CSMD1: variants seen among roughly 807,000 people sequenced by gnomAD.
CSMD1 encodes CUB and Sushi multiple domains 1.
A neutral mutation model predicts 417.5 loss-of-function variants in CSMD1; 213 were observed. The ratio of observed to expected loss-of-function variants is 0.51; its 90% CI spans 0.46 to 0.57. The LOEUF is 0.57. Among genes scored for constraint, CSMD1 ranks in the 20% least tolerant of loss-of-function variants. CSMD1 has a pLI of 0.00. For missense variants in CSMD1, 6,923 were observed against 4,529.7 expected (o/e 1.53, Z -15.17); for synonymous variants, 2,862 against 1,736.8 (o/e 1.65, Z -16.11).
rs192908918 is a variant in CSMD1, at chr8:4,299,106, A to G, written c.415+120847T>C. 4.1e-3 allele frequency among the ~76,000 whole-genome samples: 620 copies of G among 152,302 alleles called. 6 individuals carry two copies. Among genetic ancestry groups the G allele is most frequent in the African/African-American group, 0.014 (593 of 41,578 alleles). ...GATAATATAAGGAGGGAAGAAGGTG[A>G]TAGAATACAGAAAACATTAAAAGAT... On this transcript the variant is annotated intron_variant, in intron 3 of 69. Transcript: ENST00000635120.
intron 6 of CSMD1, among the ~76,000 whole-genome samples, chr8:3,726,597 T>A (rs1297607239): frequency 1.3e-5 from 2 of 152,218 alleles, no homozygotes; most frequent in Non-Finnish European, 2.9e-5. Context: ...GATATTCATG[T>A]GAAGTTCCCT....
intron 1 of CSMD1, among the ~76,000 whole-genome samples, chr8:4,941,426 T>C (rs991458917): frequency 1.9e-4 from 29 of 152,146 alleles, no homozygotes; most frequent in Non-Finnish European, 8.8e-5. Flanking sequence ...CCAACAGTGT[T>C]TATATAGGAA....
chr8:4,066,840 C>G (rs547092772), intron 3 of CSMD1, among the ~76,000 whole-genome samples: 3 of 152,228 alleles, frequency 2.0e-5, no homozygotes, highest in African/African-American at 7.2e-5. Context: ...CTCACAAACA[C>G]ACACAGTAGC....
intron 6 of CSMD1, among the ~76,000 whole-genome samples, chr8:3,740,628 A>G (rs1461871035): frequency 2.0e-5 from 3 of 152,176 alleles, no homozygotes; most frequent in South Asian, 2.1e-4. Context: ...TGATGCTGGT[A>G]AAGAGACAAA....
chr8:3,199,803 G>C lies in CSMD1; in HGVS notation c.5105C>G (p.Thr1702Arg). Residue 1702 changes from threonine (T) to arginine (R), a missense_variant, in exon 33 of 70, where the codon ACA becomes AGA. By Grantham distance (71) the Thr-to-Arg change is moderately conservative (BLOSUM62 -1). Coordinates refer to ENST00000635120, the MANE Select transcript of CSMD1 (RefSeq NM_033225.6). ...TTGATTTGACGTAGCCAAGGGCAAT[G>C]TTTCCCCTAGAAACGAAAACAGAGA... is the stretch of plus-strand genomic sequence containing the variant. ...SSLSGSHSGE[T>R]LPLATSNQIL... The C allele has an allele frequency of 1.3e-6, 2 of 1,567,858 alleles. No individual in the cohort carries two copies. Among genetic ancestry groups the C allele is most frequent in the Non-Finnish European group, 1.7e-6 (2 of 1,155,218 alleles).
At chr8:3,561,942 G>T (rs569264662) in intron 10 of CSMD1, among the ~76,000 whole-genome samples, 1 of 152,168 alleles carries the variant, frequency 6.6e-6, no homozygotes, top group Non-Finnish European at 1.5e-5. Flanking sequence ...ATGATCTCCC[G>T]TGAGCTGCGT....
intron 5 of CSMD1, among the ~76,000 whole-genome samples, chr8:3,838,474 A>G (rs557118403): frequency 7.3e-6 from 1 of 137,546 alleles, no homozygotes; most frequent in East Asian, 2.1e-4. Flanking sequence ...ATATTATATT[A>G]TATATAGCCT....
rs537975324 is a variant in CSMD1 at position 4,492,108 on chromosome 8, C to G, written c.303-72043G>C. The stretch of plus-strand genomic sequence containing the variant: ...AAGAAAATATGGTTTCCTTATTATT[C>G]TTTTTAGATACAGGGTCTTACGCTA... On this transcript the variant is annotated intron_variant, in intron 2 of 69. Transcript: ENST00000635120. Among the ~76,000 whole-genome samples, 108 of 152,132 alleles carry G rather than the reference C, an allele frequency of 7.1e-4. 1 individual carries two copies. Among genetic ancestry groups the G allele is most frequent in the Non-Finnish European group, 4.7e-4 (32 of 67,986 alleles).
intron 5 of CSMD1, among the ~76,000 whole-genome samples, chr8:3,808,362 T>C (rs1159666449): frequency 6.6e-6 from 1 of 152,162 alleles, no homozygotes; most frequent in Non-Finnish European, 1.5e-5. Flanking sequence ...TCTTGGTATA[T>C]TCAAAGGACT....
intron 5 of CSMD1, among the ~76,000 whole-genome samples, chr8:3,873,143 G>A (rs891942245): frequency 1.1e-4 from 17 of 152,098 alleles, no homozygotes; most frequent in Admixed American, 9.2e-4. Context: ...AAACTAGTAT[G>A]ATGATTCCTC....
At chr8:4,640,537 G>T (rs1178175638) in intron 1 of CSMD1, among the ~76,000 whole-genome samples, 1 of 152,084 alleles carries the variant, frequency 6.6e-6, no homozygotes, top group South Asian at 2.1e-4. Context: ...ACTCTAATGG[G>T]CCCTTGCCTA....
At chr8:3,779,336 G>T (rs894771763) in intron 5 of CSMD1, among the ~76,000 whole-genome samples, 2 of 152,098 alleles carry the variant, frequency 1.3e-5, no homozygotes, top group Admixed American at 1.3e-4. Flanking sequence ...TAATTTTAAA[G>T]TAGTACTGTA....
chr8:3,409,033 A>C (rs751284928), intron 13 of CSMD1, among the ~76,000 whole-genome samples: 2 of 152,108 alleles, frequency 1.3e-5, no homozygotes, highest in Non-Finnish European at 2.9e-5. Context: ...ACCACCACCC[A>C]TGCTCGCACT....
chr8:4,228,910 G>C (rs1563306280), intron 3 of CSMD1, among the ~76,000 whole-genome samples: 2 of 152,158 alleles, frequency 1.3e-5, no homozygotes, highest in South Asian at 4.1e-4. Flanking sequence ...TTGAACTCCT[G>C]ACTGCCTCGG....
chr8:4,334,427 A>G (rs777398146), intron 3 of CSMD1, among the ~76,000 whole-genome samples: 2 of 152,162 alleles, frequency 1.3e-5, no homozygotes, highest in Non-Finnish European at 2.9e-5. Flanking sequence ...GAGGTTTTCC[A>G]AAGAGATTCT....
intron 2 of CSMD1, among the ~76,000 whole-genome samples, chr8:4,600,628 A>C (rs556278137): frequency 6.6e-6 from 1 of 152,350 alleles, no homozygotes; most frequent in Non-Finnish European, 1.5e-5. Context: ...TGTGAAATTA[A>C]ATATCACAGA....
Position 3,710,613 on chromosome 8 carries a change from T to G in CSMD1, c.932-2122A>C, listed in dbSNP as rs75345932. Among the ~76,000 whole-genome samples the G allele has an allele frequency of 3.8e-3, 585 of 152,244 alleles. 7 individuals carry two copies. The highest frequency in any genetic ancestry group is 0.013 in the African/African-American group (549 of 41,530). On this transcript the variant is annotated intron_variant, in intron 6 of 69. Transcript: ENST00000635120. ...CTGGTCTTCCTGTGCTTGGCCCCTG[T>G]GTATTCTGACACACCTGGAGACCAT...
intron 23 of CSMD1, among the ~76,000 whole-genome samples, chr8:3,314,643 A>T (rs1331564142): frequency 5.9e-5 from 9 of 152,250 alleles, no homozygotes. Flanking sequence ...CTACGAACAA[A>T]ATGTTCTAAT....
intron 3 of CSMD1, among the ~76,000 whole-genome samples, chr8:4,396,922 G>T (rs1220406176): frequency 6.6e-6 from 1 of 151,790 alleles, no homozygotes; most frequent in Non-Finnish European, 1.5e-5. Flanking sequence ...CTACACCTTG[G>T]GTACAAGGTA....
Sources: gnomAD v4.1 joint callset for allele counts (sites outside exome capture counted in the v4.1 genomes callset) on GRCh38, gnomAD v4.1.1 for gene constraint, MANE v1.5 for transcripts, NCBI Gene and HGNC (gene_info 2026-07-23, HGNC 2026-07-21) for gene names.